CFAP54: variants seen among roughly 807,000 people sequenced by gnomAD.
CFAP54 encodes cilia and flagella associated protein 54, also known as cilia- and flagella-associated protein 54.
Under a neutral mutation model 370.4 loss-of-function variants are expected in CFAP54, and 290 were observed. The ratio of observed to expected loss-of-function variants is 0.78; its 90% confidence interval spans 0.71 to 0.86. CFAP54 has a LOEUF of 0.86. CFAP54 is among the 40% of genes least tolerant of loss of function. CFAP54 has a pLI of 0.00. For missense variants in CFAP54, 3,399 were observed against 3,528.7 expected (o/e 0.96, Z 0.93); for synonymous variants, 1,206 against 1,236.5 (o/e 0.98, Z 0.52).
At chr12:96,526,417 C>A (rs1955381808) in intron 8 of CFAP54, among the ~76,000 whole-genome samples, 1 of 152,140 alleles carries the variant, frequency 6.6e-6, no homozygotes, top group Non-Finnish European at 1.5e-5. Flanking sequence ...TACCACAAAC[C>A]TTGTTATTTA....
intron 4 of CFAP54, among the ~76,000 whole-genome samples, chr12:96,512,342 T>TATAA (rs1565880151): frequency 8.5e-5 from 8 of 94,154 alleles, no homozygotes; most frequent in African/African-American, 3.1e-4. Context: ...TATATATATA[T>TATAA]ATATATATGT....
chr12:96,858,671 G>T (rs1024169367), intron 66 of CFAP54, among the ~76,000 whole-genome samples: 3 of 152,098 alleles, frequency 2.0e-5, no homozygotes, highest in Non-Finnish European at 2.9e-5. Flanking sequence ...AAATACCTAG[G>T]AATACAGCTA....
At chr12:96,675,531 G>A (rs564467499) in intron 39 of CFAP54, among the ~76,000 whole-genome samples, 1 of 152,146 alleles carries the variant, frequency 6.6e-6, no homozygotes, top group Non-Finnish European at 1.5e-5. Context: ...TCAGTGTGGC[G>A]ATTCCTTAGG....
At chr12:96,866,030 A>T (rs529534865) in intron 67 of CFAP54, among the ~76,000 whole-genome samples, 1 of 152,130 alleles carries the variant, frequency 6.6e-6, no homozygotes, top group South Asian at 2.1e-4. Context: ...AAATTATTTG[A>T]TTTTCCAAAA....
chr12:96,623,478 T>C (rs1050407524), intron 27 of CFAP54, among the ~76,000 whole-genome samples: 1 of 152,160 alleles, frequency 6.6e-6, no homozygotes, highest in African/African-American at 2.4e-5. Context: ...GCTTTGAGAA[T>C]GCAGGTTTTG....
At chr12:96,686,095 T>G (rs536593783) in intron 42 of CFAP54, among the ~76,000 whole-genome samples, 30 of 152,340 alleles carry the variant, frequency 2.0e-4, no homozygotes, top group African/African-American at 7.0e-4. Context: ...CTGGGTGGCT[T>G]AAACAACAAC....
chr12:96,685,410 G>A (rs1037215811), intron 42 of CFAP54, among the ~76,000 whole-genome samples, 172 bp downstream of exon 42: 3 of 152,200 alleles, frequency 2.0e-5, no homozygotes, highest in African/African-American at 7.2e-5. Context: ...TATTGCTTAT[G>A]ATTATCTCTT....
At chr12:96,784,434 T>C (rs1473629322) in intron 60 of CFAP54, among the ~76,000 whole-genome samples, 1 of 152,156 alleles carries the variant, frequency 6.6e-6, no homozygotes, top group East Asian at 1.9e-4. Flanking sequence ...ATGAATTGCC[T>C]GTTGAAATTG....
intron 60 of CFAP54, among the ~76,000 whole-genome samples, chr12:96,781,755 AGTG>A (rs1958583114): frequency 1.3e-5 from 2 of 152,138 alleles, no homozygotes; most frequent in Non-Finnish European, 2.9e-5. Flanking sequence ...GACATTTTGA[AGTG>A]AAGAAGAGTG....
In CFAP54 at chr12:96,708,619, A is replaced by T. The variant is rs142852863; in HGVS notation, c.6540A>T (p.Glu2180Asp). 4.5e-4 allele frequency: 713 copies of T among 1,589,382 alleles called. No homozygotes were observed. Among genetic ancestry groups the T allele is most frequent in the Non-Finnish European group, 5.3e-4 (627 of 1,174,122 alleles). The change falls in exon 48 of 68, where the codon GAA (glutamate) becomes GAT (aspartate). Residue 2180 changes from glutamate to aspartate, a missense_variant. Transcript: ENST00000524981. ...TSKENIQAID[E>D]LRNKGLPAVL... ...TTTCCATTTTTTAGGCAATTGATGA[A>T]TTAAGAAATAAAGGCTTGCCTGCAG...
chr12:96,671,852 G>A (rs1464676665), intron 39 of CFAP54, among the ~76,000 whole-genome samples: 5 of 152,066 alleles, frequency 3.3e-5, no homozygotes. Context: ...AACCCAGGAG[G>A]TGGAGGTTGC....
chr12:96,742,655 G>T, intron 52 of CFAP54, 69 bp downstream of exon 52: 1 of 1,358,490 alleles, frequency 7.4e-7, no homozygotes, highest in African/African-American at 1.5e-5. Flanking sequence ...GGGTTTATTG[G>T]GATATATTTT....
intron 63 of CFAP54, among the ~76,000 whole-genome samples, chr12:96,798,132 A>G (rs531013755): frequency 5.9e-5 from 9 of 151,858 alleles, no homozygotes; most frequent in Non-Finnish European, 1.2e-4. Flanking sequence ...TATTATTTTT[A>G]TTTGTTTTTC....
At position 96,644,277 on chromosome 12, in the gene CFAP54, T is replaced by C; in HGVS notation, c.4416T>C (p.Arg1472=). 1 of 1,535,834 alleles carries C rather than the reference T, an allele frequency of 6.5e-7. No homozygotes were observed. The highest frequency in any genetic ancestry group is 1.4e-5 in the African/African-American group (1 of 73,158). Residue 1472 remains arginine, a synonymous_variant, in exon 33 of 68, where the codon CGT becomes CGC. Coordinates refer to ENST00000524981, the MANE Select transcript of CFAP54 (RefSeq NM_001306084.2). ...LSYVKRKRFH[R]LSLEEMPWRA... ...ATGTTAAAAGAAAGAGGTTCCATCG[T>C]CTATCACTTGAAGAGATGCCCTGGA...
chr12:96,662,122 C>T (rs887434699), intron 38 of CFAP54, among the ~76,000 whole-genome samples: 1 of 152,188 alleles, frequency 6.6e-6, no homozygotes, highest in Non-Finnish European at 1.5e-5. Context: ...TGTTTATTAT[C>T]CAAACCCTTG....
intron 60 of CFAP54, among the ~76,000 whole-genome samples, chr12:96,766,505 G>T (rs935892249): frequency 3.3e-5 from 5 of 152,208 alleles, no homozygotes; most frequent in South Asian, 2.1e-4. Context: ...ATTCTCCCTG[G>T]TTCAGAATGC....
intron 17 of CFAP54, among the ~76,000 whole-genome samples, chr12:96,558,282 G>A (rs1955776352): frequency 6.6e-6 from 1 of 152,056 alleles, no homozygotes; most frequent in Non-Finnish European, 1.5e-5. Context: ...CATAGTACTG[G>A]AAGTCCTAGC....
intron 9 of CFAP54, among the ~76,000 whole-genome samples, chr12:96,531,658 C>T (rs1955441318): frequency 6.6e-6 from 1 of 152,048 alleles, no homozygotes; most frequent in South Asian, 2.1e-4. Flanking sequence ...CTTTGATTCT[C>T]TCTGTTCTAC....
In CFAP54 at chr12:96,817,758, A is replaced by G; in HGVS notation, c.8958-17A>G. The G allele has an allele frequency of 7.1e-7, 1 of 1,414,272 alleles. No individual in the cohort carries two copies. The highest frequency in any genetic ancestry group is 9.4e-7 in the Non-Finnish European group (1 of 1,068,270). The allele number at this position is 1,414,272 out of a possible 1,614,324, so 87.6% of individuals were successfully genotyped here. ...TTAACTCTTCAAATAAAATACATATATATTTGTTATTTTCAGGGTTATTGC... is the reference window on the plus strand; with the variant it reads ...TTAACTCTTCAAATAAAATACATATGTATTTGTTATTTTCAGGGTTATTGC... On this transcript the variant is annotated splice_polypyrimidine_tract_variant and intron_variant, in intron 64 of 67. Coordinates refer to ENST00000524981, the MANE Select transcript of CFAP54 (RefSeq NM_001306084.2).
Sources: gnomAD v4.1 joint callset for allele counts (sites outside exome capture counted in the v4.1 genomes callset) on GRCh38, gnomAD v4.1.1 for gene constraint, MANE v1.5 for transcripts, NCBI Gene and HGNC (gene_info 2026-07-23, HGNC 2026-07-21) for gene names.